Variants in PPP4R3B observed in about 807,000 individuals in gnomAD.
PPP4R3B encodes serine/threonine-protein phosphatase 4 regulatory subunit 3B.
PPP4R3B carries 52 observed loss-of-function variants against 95.4 expected under a neutral mutation model. The ratio of observed to expected loss-of-function variants is 0.54; its 90% CI spans 0.44 to 0.69. PPP4R3B has a LOEUF of 0.69. PPP4R3B is among the 30% of genes least tolerant of loss of function. The pLI is 0.00. For synonymous variants in PPP4R3B, 407 were observed against 343.9 expected, an observed-to-expected ratio of 1.18 and a Z score of -2.03; for missense variants, 1,003 against 1,005.9, an observed-to-expected ratio of 1.00 and a Z score of 0.04.
At chr2:55,574,059 T>C (rs1397303594) in intron 11 of PPP4R3B, among the ~76,000 whole-genome samples, 1 of 151,728 alleles carries the variant, frequency 6.6e-6, no homozygotes, top group Admixed American at 6.6e-5. Flanking sequence ...AGCTAATTTT[T>C]TTTTTCAAGT....
chr2:55,608,857 C>G (rs1200370437), intron 2 of PPP4R3B, among the ~76,000 whole-genome samples: 2 of 152,028 alleles, frequency 1.3e-5, no homozygotes, highest in Non-Finnish European at 2.9e-5. Context: ...TGGTGGTATG[C>G]GCCTGCAGTC....
chr2:55,616,436 C>T (rs1000561022), intron 1 of PPP4R3B: 4 of 152,324 alleles, frequency 2.6e-5, no homozygotes, highest in African/African-American at 9.6e-5. Context: ...CTATAAAAGG[C>T]ATTTTAATTA....
chr2:55,615,415 T>G, intron 2 of PPP4R3B, 36 bp downstream of exon 2: 1 of 1,438,458 alleles, frequency 7.0e-7, no homozygotes, highest in Non-Finnish European at 9.7e-7. Context: ...TGATCACAGA[T>G]GAAGTCTTTC....
At chr2:55,615,342 T>A in intron 2 of PPP4R3B, 109 bp downstream of exon 2, 1 of 861,386 alleles carries the variant, frequency 1.2e-6, no homozygotes. Flanking sequence ...TGATCTTTGT[T>A]TACCAAACAT....
intron 16 of PPP4R3B, among the ~76,000 whole-genome samples, chr2:55,552,646 A>C (rs529459024): frequency 6.6e-6 from 1 of 152,272 alleles, no homozygotes; most frequent in South Asian, 2.1e-4. Flanking sequence ...TGCCCACCTC[A>C]GACTCCCAAA....
intron 2 of PPP4R3B, among the ~76,000 whole-genome samples, chr2:55,609,822 A>T (rs1211540455): frequency 6.6e-6 from 1 of 152,224 alleles, no homozygotes; most frequent in Non-Finnish European, 1.5e-5. Context: ...AAATACATAC[A>T]ATTGTATGCA....
chr2:55,591,028 C>T (rs906355467), intron 4 of PPP4R3B, among the ~76,000 whole-genome samples: 1 of 152,098 alleles, frequency 6.6e-6, no homozygotes, highest in South Asian at 2.1e-4. Flanking sequence ...TCAGGTGTTT[C>T]TTTTCGTATT....
intron 12 of PPP4R3B, among the ~76,000 whole-genome samples, chr2:55,569,097 C>G (rs1269420839): frequency 2.0e-5 from 3 of 152,038 alleles, no homozygotes; most frequent in Non-Finnish European, 4.4e-5. Context: ...AATCCTCGCT[C>G]TACAATCATA....
At chr2:55,550,788 T>C (rs540180323) in intron 16 of PPP4R3B, among the ~76,000 whole-genome samples, 1 of 152,328 alleles carries the variant, frequency 6.6e-6, no homozygotes, top group South Asian at 2.1e-4. Context: ...TAACTCATAC[T>C]TCATACCTGA....
At chr2:55,572,608 G>T (rs139294311) in intron 12 of PPP4R3B, among the ~76,000 whole-genome samples, 2 of 152,148 alleles carry the variant, frequency 1.3e-5, no homozygotes, top group Admixed American at 1.3e-4. Flanking sequence ...AATTTTGGCG[G>T]AAGTAATCTG....
chr2:55,615,350 CAT>C (rs1382223009), intron 2 of PPP4R3B, 99 bp downstream of exon 2: 1 of 897,268 alleles, frequency 1.1e-6, no homozygotes, highest in East Asian at 2.6e-5. Flanking sequence ...GTTTACCAAA[CAT>C]GTTTTTTTCT....
chr2:55,581,579 C>G lies in PPP4R3B; in HGVS notation c.1353G>C (p.Leu451=). ...LRTLIDPENM[L]ATTNKTEKSE... ...AGTAATTTCTTACATTAGTTGTAGCCAGCATGTTCTCTGGATCAATTAGAG... is the reference window on the plus strand; with the variant it reads ...AGTAATTTCTTACATTAGTTGTAGCGAGCATGTTCTCTGGATCAATTAGAG... The change falls in exon 8 of 17, where the codon CTG becomes CTC. Residue 451 remains leucine (L), a synonymous_variant. Coordinates refer to ENST00000616407, the MANE Select transcript of PPP4R3B (RefSeq NM_001122964.3). The G allele has an allele frequency of 6.2e-7, 1 of 1,611,228 alleles. No homozygotes were observed. Among genetic ancestry groups the G allele is most frequent in the South Asian group, 1.1e-5 (1 of 90,502 alleles).
intron 15 of PPP4R3B, among the ~76,000 whole-genome samples, chr2:55,559,674 G>A (rs1361778991): frequency 9.9e-5 from 15 of 152,038 alleles, no homozygotes; most frequent in African/African-American, 1.5e-4. Flanking sequence ...TTCACCTTCC[G>A]CCACAAGTTT....
intron 2 of PPP4R3B, among the ~76,000 whole-genome samples, chr2:55,607,231 G>C (rs1443555403): frequency 6.6e-6 from 1 of 152,118 alleles, no homozygotes; most frequent in African/African-American, 2.4e-5. Flanking sequence ...TAATCAATCA[G>C]TTCCATATTA....
intron 2 of PPP4R3B, among the ~76,000 whole-genome samples, chr2:55,610,959 G>C (rs1694085151): frequency 6.7e-6 from 1 of 149,520 alleles, no homozygotes; most frequent in Admixed American, 6.7e-5. Context: ...CTGACCTCCT[G>C]GGCTCAAGCA....
chr2:55,600,426 CAAAAAAA>C (rs60764774), intron 3 of PPP4R3B, among the ~76,000 whole-genome samples: 46 of 22,172 alleles, frequency 2.1e-3, no homozygotes, highest in South Asian at 9.9e-3. Flanking sequence ...AACTCTGTCT[CAAAAAAA>C]AAAAAAAAAA....
chr2:55,612,616 A>G (rs1322955660), intron 2 of PPP4R3B, among the ~76,000 whole-genome samples: 1 of 152,142 alleles, frequency 6.6e-6, no homozygotes, highest in Admixed American at 6.5e-5. Flanking sequence ...CCTGGACAAC[A>G]TAACGAGACC....
intron 3 of PPP4R3B, among the ~76,000 whole-genome samples, chr2:55,601,162 A>G (rs904613658): frequency 5.3e-5 from 7 of 133,322 alleles, no homozygotes; most frequent in Admixed American, 3.8e-4. Context: ...AAAAAAAAAA[A>G]GCAGTGATGC....
At chr2:55,554,914 T>A (rs958297098) in intron 16 of PPP4R3B, among the ~76,000 whole-genome samples, 5 of 152,132 alleles carry the variant, frequency 3.3e-5, no homozygotes, top group African/African-American at 9.7e-5. Flanking sequence ...TGAGAGGAGT[T>A]TTGGATATGA....
Sources: gnomAD v4.1 joint callset for allele counts (sites outside exome capture counted in the v4.1 genomes callset) on GRCh38, gnomAD v4.1.1 for gene constraint, MANE v1.5 for transcripts, NCBI Gene and HGNC (gene_info 2026-07-23, HGNC 2026-07-21) for gene names.